Variants in HSD17B12 observed in about 807,000 individuals in gnomAD.
HSD17B12 encodes the protein very-long-chain 3-oxoacyl-CoA reductase.
HSD17B12 carries 32 observed loss-of-function variants against 39.3 expected under a neutral mutation model. The observed-to-expected ratio is 0.81, with a 90% CI of 0.61 to 1.09. The LOEUF (loss-of-function observed/expected upper bound fraction) is 1.09. Among genes scored for constraint, HSD17B12 ranks in the 50% least tolerant of loss-of-function variants. HSD17B12 has a pLI of 0.00. For missense variants in HSD17B12, 342 were observed against 382.9 expected (o/e 0.89, Z 0.89); for synonymous variants, 150 against 146.7 (o/e 1.02, Z -0.16).
the HSD17B12 span, among the ~76,000 whole-genome samples, chr11:43,656,417 C>T: frequency 6.6e-6 from 1 of 152,174 alleles, no homozygotes; most frequent in South Asian, 2.1e-4. Flanking sequence ...CTGCTCTGAT[C>T]TTAGTTATTT....
chr11:43,678,471 C>T (rs1443634185), upstream of HSD17B12, among the ~76,000 whole-genome samples: 1 of 152,166 alleles, frequency 6.6e-6, no homozygotes, highest in African/African-American at 2.4e-5. Flanking sequence ...GCTTTTGTTG[C>T]CATTGCTTTT....
the HSD17B12 span, among the ~76,000 whole-genome samples, chr11:43,578,034 G>C: frequency 6.6e-6 from 1 of 152,154 alleles, no homozygotes; most frequent in African/African-American, 2.4e-5. Flanking sequence ...GGGGGAATGA[G>C]TATCACGCGC....
At chr11:43,801,294 T>TA (rs766121364) in intron 4 of HSD17B12, among the ~76,000 whole-genome samples, 26 of 152,206 alleles carry the variant, frequency 1.7e-4, no homozygotes, top group Non-Finnish European at 3.4e-4. Flanking sequence ...GGGGAGTTGA[T>TA]ACAGGGAGAA....
chr11:43,757,399 C>T (rs906190086), intron 3 of HSD17B12, among the ~76,000 whole-genome samples: 16 of 150,514 alleles, frequency 1.1e-4, no homozygotes, highest in African/African-American at 3.7e-4. Flanking sequence ...TTTGGGAGGC[C>T]GAGGCGGGTG....
At chr11:43,840,150 AT>A in intron 9 of HSD17B12, 86 bp downstream of exon 9, 1 of 1,049,270 alleles carries the variant, frequency 9.5e-7, no homozygotes, top group African/African-American at 1.6e-5. Context: ...AACAAAAAAA[AT>A]CATATTCCTA....
the HSD17B12 span, among the ~76,000 whole-genome samples, chr11:43,651,855 G>C: frequency 6.6e-6 from 1 of 152,202 alleles, no homozygotes; most frequent in African/African-American, 2.4e-5. Context: ...TGGGATTACA[G>C]GCATGAGCTA....
chr11:43,649,321 TATC>T, the HSD17B12 span, among the ~76,000 whole-genome samples: 8 of 152,018 alleles, frequency 5.3e-5, no homozygotes, highest in South Asian at 2.1e-4. Flanking sequence ...ATATATATAA[TATC>T]ATATTAATTT....
intron 3 of HSD17B12, among the ~76,000 whole-genome samples, chr11:43,763,591 T>C (rs1950571311): frequency 6.9e-6 from 1 of 145,360 alleles, no homozygotes; most frequent in Non-Finnish European, 1.5e-5. Flanking sequence ...TACCCTTATA[T>C]ATATATATAT....
chr11:43,822,976 G>A (rs1951197390), intron 6 of HSD17B12, among the ~76,000 whole-genome samples: 1 of 152,018 alleles, frequency 6.6e-6, no homozygotes, highest in Non-Finnish European at 1.5e-5. Context: ...TCAAGCAGGG[G>A]ATTATATATT....
chr11:43,687,202 A>T (rs11037565), intron 1 of HSD17B12, among the ~76,000 whole-genome samples: 2 of 151,968 alleles, frequency 1.3e-5, no homozygotes, highest in African/African-American at 4.8e-5. Flanking sequence ...GCAAAACAAC[A>T]TGTAGCAATT....
chr11:43,713,402 G>C (rs1274259570), intron 1 of HSD17B12, among the ~76,000 whole-genome samples: 4 of 151,656 alleles, frequency 2.6e-5, no homozygotes, highest in South Asian at 2.1e-4. Context: ...CTTTGCGATA[G>C]TTTGCTGAGA....
At chr11:43,832,359 T>C (rs11037663) in intron 7 of HSD17B12, among the ~76,000 whole-genome samples, 96,814 of 152,134 alleles carry the variant, frequency 0.64, 31,263 homozygotes, top group East Asian at 0.71. Context: ...ACAGAGGTAT[T>C]GTAAAAGGAA....
intron 6 of HSD17B12, among the ~76,000 whole-genome samples, chr11:43,822,118 T>C (rs985824378): frequency 1.3e-5 from 2 of 152,182 alleles, no homozygotes; most frequent in African/African-American, 4.8e-5. Flanking sequence ...TTCTGACAAG[T>C]AGACAGGATG....
At chr11:43,577,755 C>G in the HSD17B12 span, among the ~76,000 whole-genome samples, 2 of 152,166 alleles carry the variant, frequency 1.3e-5, no homozygotes, top group East Asian at 3.9e-4. Flanking sequence ...GAAGCCAAAG[C>G]ACAGGAGTTG....
chr11:43,788,685 CAAAA>C lies in HSD17B12; in HGVS notation c.284-9614_284-9611del, dbSNP rs57970272. On this transcript the variant is annotated intron_variant, in intron 3 of 10. Transcript: ENST00000278353. ...ACTCTGCCACCGTCATTTCCTTCCT[CAAAA>C]AAAAAAAAAAAAAAAAAAAAGAAGT... 3.5e-3 allele frequency among the ~76,000 whole-genome samples: 354 copies of C among 100,892 alleles called. 2 individuals are homozygous for C. Among genetic ancestry groups the C allele is most frequent in the Non-Finnish European group, 4.6e-3 (239 of 51,504 alleles). The allele number at this position is 100,892 out of a possible 152,430, so 66.2% of individuals were successfully genotyped here.
intron 6 of HSD17B12, among the ~76,000 whole-genome samples, chr11:43,828,590 T>G (rs1011903096): frequency 8.5e-5 from 13 of 152,088 alleles, no homozygotes; most frequent in South Asian, 8.3e-4. Flanking sequence ...TATGGTAACC[T>G]TTTTTTAGAA....
chr11:43,603,428 C>A, the HSD17B12 span, among the ~76,000 whole-genome samples: 1 of 151,856 alleles, frequency 6.6e-6, no homozygotes, highest in Admixed American at 6.6e-5. Context: ...AAGCACTTTG[C>A]CTGGTTGAGG....
At chr11:43,600,301 G>A in the HSD17B12 span, among the ~76,000 whole-genome samples, 7 of 150,644 alleles carry the variant, frequency 4.6e-5, no homozygotes, top group Non-Finnish European at 7.4e-5. Flanking sequence ...TTCATTGACT[G>A]GATTTCATTG....
chr11:43,739,417 A>G (rs1024193748), intron 1 of HSD17B12, among the ~76,000 whole-genome samples: 1 of 152,190 alleles, frequency 6.6e-6, no homozygotes, highest in African/African-American at 2.4e-5. Flanking sequence ...AAGAACAGAA[A>G]TGTATTTTCT....
Sources: allele counts gnomAD v4.1 joint callset (sites outside exome capture counted in the v4.1 genomes callset), GRCh38; gene constraint gnomAD v4.1.1; transcripts MANE v1.5; gene names NCBI Gene and HGNC (gene_info 2026-07-23, HGNC 2026-07-21).